Variants in TMCC1 observed in about 807,000 individuals in gnomAD.
TMCC1 encodes the protein transmembrane and coiled-coil domains protein 1.
A neutral mutation model predicts 52.4 loss-of-function variants in TMCC1; 15 were observed. That is an observed-to-expected ratio of 0.29 (90% confidence interval 0.19 to 0.44). The LOEUF (loss-of-function observed/expected upper bound fraction) is 0.44, where lower values mean the gene tolerates loss of function less well. Ranked by LOEUF, TMCC1 falls within the 20% of genes least tolerant of loss-of-function variation. TMCC1 has a pLI of 1.00. For missense variants in TMCC1, 503 were observed against 806.0 expected (o/e 0.62, Z 4.55); for synonymous variants, 279 against 301.9 (o/e 0.92, Z 0.79).
chr3:129,799,448 G>GCTC (rs1463611081), intron 4 of TMCC1, among the ~76,000 whole-genome samples: 1 of 152,062 alleles, frequency 6.6e-6, no homozygotes, highest in Non-Finnish European at 1.5e-5. Context: ...ATTTCCATAT[G>GCTC]CTCCTCTATC....
At chr3:129,708,801 A>G (rs1576528402) in intron 4 of TMCC1, among the ~76,000 whole-genome samples, 1 of 152,172 alleles carries the variant, frequency 6.6e-6, no homozygotes, top group Non-Finnish European at 1.5e-5. Flanking sequence ...ACTTTCCCCC[A>G]AAGATATCAC....
intron 2 of TMCC1, among the ~76,000 whole-genome samples, chr3:129,836,543 A>T (rs1430405919): frequency 1.3e-5 from 2 of 152,218 alleles, no homozygotes; most frequent in Non-Finnish European, 2.9e-5. Context: ...GTTCAAAAAG[A>T]GCTGGGAGGA....
rs1205403816 is a variant in TMCC1, at chr3:129,838,751, T to TC, written c.-183-5926dup. Among the ~76,000 whole-genome samples the TC allele has an allele frequency of 9.5e-5, 3 of 31,712 alleles. No homozygotes were observed. The East Asian group carries it at 3.1e-3, about 33-fold the overall frequency. 20.8% of individuals were successfully genotyped at this position (31,712 alleles called of 152,430 possible). On this transcript the variant is annotated intron_variant, in intron 2 of 6. Coordinates refer to ENST00000393238, the MANE Select transcript of TMCC1 (RefSeq NM_001017395.5). ...CTGGGTGACAGAGCAAGACTCTGTC[T>TC]CAAAAAAAAAAAAAAAAAAAAAAAA...
At chr3:129,752,852 C>G (rs1381023680) in intron 4 of TMCC1, among the ~76,000 whole-genome samples, 2 of 152,144 alleles carry the variant, frequency 1.3e-5, no homozygotes, top group Non-Finnish European at 2.9e-5. Context: ...GTTCTGCAGG[C>G]TGTACAGGAA....
intron 4 of TMCC1, among the ~76,000 whole-genome samples, chr3:129,726,870 A>G (rs1371947776): frequency 9.4e-6 from 1 of 106,566 alleles, no homozygotes. Context: ...CTCTGTCTCA[A>G]AAAAAAAAAA....
intron 4 of TMCC1, among the ~76,000 whole-genome samples, chr3:129,799,684 C>T (rs1443427436): frequency 6.6e-6 from 1 of 152,018 alleles, no homozygotes; most frequent in African/African-American, 2.4e-5. Flanking sequence ...TGGTGGTGGG[C>T]ACCTGTGGTC....
At chr3:129,814,375 T>C (rs1371954522) in intron 4 of TMCC1, among the ~76,000 whole-genome samples, 3 of 152,038 alleles carry the variant, frequency 2.0e-5, no homozygotes, top group African/African-American at 7.2e-5. Context: ...GTAAGCCTCA[T>C]GGTAACCAAA....
At chr3:129,865,699 G>T (rs936579827) in intron 2 of TMCC1, among the ~76,000 whole-genome samples, 1 of 152,082 alleles carries the variant, frequency 6.6e-6, no homozygotes, top group Non-Finnish European at 1.5e-5. Flanking sequence ...CACTCTTAAG[G>T]TTCAACAGGG....
intron 6 of TMCC1, among the ~76,000 whole-genome samples, chr3:129,652,705 G>C (rs1345311918): frequency 6.6e-6 from 1 of 152,204 alleles, no homozygotes; most frequent in South Asian, 2.1e-4. Flanking sequence ...AGGCATTTTT[G>C]TACTGGCTTC....
At chr3:129,781,725 G>T (rs991223568) in intron 4 of TMCC1, among the ~76,000 whole-genome samples, 1 of 152,134 alleles carries the variant, frequency 6.6e-6, no homozygotes, top group African/African-American at 2.4e-5. Context: ...AGTGAGAAAG[G>T]AAGGCACTGG....
chr3:129,852,347 C>T (rs891598310), intron 2 of TMCC1, among the ~76,000 whole-genome samples: 1 of 150,808 alleles, frequency 6.6e-6, no homozygotes, highest in Admixed American at 6.7e-5. Flanking sequence ...ATCCCAGCTA[C>T]TCAGGAGTCC....
At chr3:129,777,009 A>T (rs988875520) in intron 4 of TMCC1, among the ~76,000 whole-genome samples, 1 of 152,178 alleles carries the variant, frequency 6.6e-6, no homozygotes, top group Non-Finnish European at 1.5e-5. Context: ...TATACATTCA[A>T]CGAACGTATT....
chr3:129,679,721 A>G (rs545576331), intron 4 of TMCC1, among the ~76,000 whole-genome samples: 1 of 152,358 alleles, frequency 6.6e-6, no homozygotes, highest in East Asian at 1.9e-4. Flanking sequence ...ATTTCATAAA[A>G]AACTAGAATA....
intron 5 of TMCC1, among the ~76,000 whole-genome samples, chr3:129,664,853 A>G (rs1645406345): frequency 6.6e-6 from 1 of 152,230 alleles, no homozygotes; most frequent in Non-Finnish European, 1.5e-5. Context: ...AGTTTCTAGC[A>G]GCAAATTAAA....
intron 4 of TMCC1, among the ~76,000 whole-genome samples, chr3:129,763,211 T>A (rs201345276): frequency 0.036 from 2,152 of 60,204 alleles, 103 homozygotes; most frequent in African/African-American, 0.15. Flanking sequence ...AAATAAAAAA[T>A]AAATAAATAA....
At chr3:129,792,036 T>G (rs184945822) in intron 4 of TMCC1, among the ~76,000 whole-genome samples, 4 of 152,208 alleles carry the variant, frequency 2.6e-5, no homozygotes, top group Admixed American at 2.6e-4. Flanking sequence ...GATGGTCACA[T>G]CAGTACTTTC....
At chr3:129,884,830 G>T (rs549168835) in intron 1 of TMCC1, among the ~76,000 whole-genome samples, 13 of 152,148 alleles carry the variant, frequency 8.5e-5, no homozygotes, top group African/African-American at 2.6e-4. Flanking sequence ...AATGGAACTC[G>T]AAAGTCATTT....
rs1344788756 is a variant in TMCC1 at position 129,671,034 on chromosome 3, T to C, written c.807A>G (p.Ala269=). 7 of 1,614,220 alleles carry C rather than the reference T, an allele frequency of 4.3e-6. No individual in the cohort carries two copies. The highest frequency in any genetic ancestry group is 5.9e-6 in the Non-Finnish European group (7 of 1,180,048). ...VAEYLKLANS[A]DKQQAARIKQ... ...TGATGCGGGCAGCCTGCTGTTTGTC[T>C]GCACTGTTGGCAAGCTTCAAGTATT... The change falls in exon 5 of 7, where the codon GCA becomes GCG. Residue 269 remains alanine (A), a synonymous_variant. Coordinates refer to ENST00000393238, the MANE Select transcript of TMCC1 (RefSeq NM_001017395.5).
At chr3:129,679,537 C>T (rs1402284198) in intron 4 of TMCC1, among the ~76,000 whole-genome samples, 2 of 152,254 alleles carry the variant, frequency 1.3e-5, no homozygotes, top group East Asian at 3.9e-4. Context: ...AACTCCTGAC[C>T]TCGTGATCCG....
Sources: allele counts gnomAD v4.1 joint callset (sites outside exome capture counted in the v4.1 genomes callset), GRCh38; gene constraint gnomAD v4.1.1; transcripts MANE v1.5; gene names NCBI Gene and HGNC (gene_info 2026-07-23, HGNC 2026-07-21).